Variants in CHMP4B observed in about 807,000 individuals in gnomAD.
The protein encoded by CHMP4B is charged multivesicular body protein 4B.
Under a neutral mutation model 25.1 loss-of-function variants are expected in CHMP4B, and 1 was observed. That is an observed-to-expected ratio of 0.04 (90% CI 0.01 to 0.19). The LOEUF (loss-of-function observed/expected upper bound fraction) is 0.19, where lower values mean the gene tolerates loss of function less well. Among genes scored for constraint, CHMP4B ranks in the 10% least tolerant of loss-of-function variants. The probability of loss-of-function intolerance (pLI) is 1.00; values close to 1 mark genes in which losing one functional copy is unlikely to be tolerated. For synonymous variants in CHMP4B, 101 were observed against 115.6 expected, an observed-to-expected ratio of 0.87 and a Z score of 0.81; for missense variants, 151 against 289.7, an observed-to-expected ratio of 0.52 and a Z score of 3.48.
chr20:33,829,883 G>C (rs1235027145), intron 1 of CHMP4B, among the ~76,000 whole-genome samples: 1 of 152,120 alleles, frequency 6.6e-6, no homozygotes, highest in Non-Finnish European at 1.5e-5. Context: ...GTAGATAGTA[G>C]ATAGGAAGGG....
chr20:33,833,027 G>T (rs529038320), intron 1 of CHMP4B, among the ~76,000 whole-genome samples: 1 of 151,740 alleles, frequency 6.6e-6, no homozygotes, highest in Non-Finnish European at 1.5e-5. Flanking sequence ...GGCCTCAAGC[G>T]AACCTCCTGC....
intron 1 of CHMP4B, among the ~76,000 whole-genome samples, chr20:33,846,670 AAGGAGCATGGGACCTATTC>A (rs1979697482): frequency 6.6e-6 from 1 of 152,204 alleles, no homozygotes; most frequent in African/African-American, 2.4e-5. Flanking sequence ...GTGTGAGTAG[AAGGAGCATGGGACCTATTC>A]ATGTGACATA....
At chr20:33,812,881 G>A (rs554937732) in intron 1 of CHMP4B, among the ~76,000 whole-genome samples, 2 of 152,294 alleles carry the variant, frequency 1.3e-5, no homozygotes, top group South Asian at 4.1e-4. Flanking sequence ...AGATATTCTG[G>A]AAATTCTTTT....
intron 2 of CHMP4B, among the ~76,000 whole-genome samples, chr20:33,849,488 T>C (rs1320269934): frequency 6.6e-6 from 1 of 152,160 alleles, no homozygotes. Flanking sequence ...TAATCCCAGC[T>C]ACTGGCGGCT....
intron 1 of CHMP4B, among the ~76,000 whole-genome samples, chr20:33,847,956 T>C (rs1979733512): frequency 6.6e-6 from 1 of 152,180 alleles, no homozygotes; most frequent in Non-Finnish European, 1.5e-5. Flanking sequence ...ATATAGTCAT[T>C]ATATTTATGA....
At chr20:33,843,880 T>C (rs548483094) in intron 1 of CHMP4B, among the ~76,000 whole-genome samples, 64 of 152,356 alleles carry the variant, frequency 4.2e-4, no homozygotes, top group Admixed American at 2.4e-3. Flanking sequence ...CAAGGTAACT[T>C]TACTCATGAA....
chr20:33,853,891 T>TG lies in CHMP4B; in HGVS notation c.*333dup, dbSNP rs1979932215. The TG allele has an allele frequency of 2.4e-6, 1 of 416,374 alleles. No homozygotes were observed. The highest frequency in any genetic ancestry group is 3.7e-5 in the Admixed American group (1 of 26,896). 25.8% of individuals were successfully genotyped at this position (416,374 alleles called of 1,614,324 possible). On this transcript the variant is annotated 3_prime_UTR_variant, in exon 5 of 5. Transcript: ENST00000217402. ...TGAATCCTCAATGGAAAGGGTCGAC[T>TG]GGTTGCAGTTGAAATGACCTGAAAT...
intron 1 of CHMP4B, among the ~76,000 whole-genome samples, chr20:33,814,044 T>G (rs1021971841): frequency 1.3e-5 from 2 of 152,208 alleles, no homozygotes; most frequent in Non-Finnish European, 2.9e-5. Flanking sequence ...TCTGCAGTTT[T>G]GGCGATCGAA....
rs114112565 is a variant in CHMP4B, at chr20:33,853,561, T to C, written c.*1T>C. 4.9e-3 allele frequency: 7,939 copies of C among 1,613,290 alleles called. 335 individuals carry two copies. The African/African-American group carries it at 0.092, about 19-fold the overall frequency. On this transcript the variant is annotated 3_prime_UTR_variant, in exon 5 of 5. Transcript: ENST00000217402. ...GGAGAACTGGGCTGGATCCATGTAA[T>C]GGGGTCCAGCGCTGGCTGGGCCCAG...
intron 1 of CHMP4B, 49 bp downstream of exon 1, chr20:33,811,707 CCCCGGG>C: frequency 1.9e-6 from 3 of 1,579,042 alleles, no homozygotes; most frequent in Non-Finnish European, 2.6e-6. Flanking sequence ...CCCCCAGGCT[CCCCGGG>C]CCCGGACTTC....
intron 1 of CHMP4B, among the ~76,000 whole-genome samples, chr20:33,819,352 T>G (rs1978869987): frequency 6.6e-6 from 1 of 152,242 alleles, no homozygotes; most frequent in Non-Finnish European, 1.5e-5. Flanking sequence ...TCTTTAGCCC[T>G]GATACTTCCG....
In CHMP4B at chr20:33,840,310, T is replaced by TG. The variant is rs1979502295; in HGVS notation, c.191-8155dup. Among the ~76,000 whole-genome samples the TG allele has an allele frequency of 3.3e-5, 5 of 151,268 alleles. No individual in the cohort carries two copies. In the South Asian group the frequency reaches 1.0e-3, roughly 32 times the overall value. On this transcript the variant is annotated intron_variant, in intron 1 of 4. Transcript: ENST00000217402. ...ATGCAGAGATCCCCAGAGACAATGT[T>TG]GGACACAGGCAAGGAAAGAGAGGCG...
At chr20:33,820,179 A>G (rs1978897599) in intron 1 of CHMP4B, among the ~76,000 whole-genome samples, 1 of 151,012 alleles carries the variant, frequency 6.6e-6, no homozygotes. Flanking sequence ...CTCTGTCTCA[A>G]AAAAAAAAGA....
In CHMP4B at chr20:33,848,407, G is replaced by T; in HGVS notation, c.191-60G>T. ...AGTAGAGTTGGGGAAAAGACTCAGT[G>T]ACACTAGAACCTCACCCTGTGCCGG... On this transcript the variant is annotated intron_variant, in intron 1 of 4. Transcript: ENST00000217402. 3 of 1,566,386 alleles carry T rather than the reference G, an allele frequency of 1.9e-6. No homozygotes were observed. The South Asian group carries it at 3.4e-5, about 18-fold the overall frequency.
chr20:33,835,237 T>C (rs1471382342), intron 1 of CHMP4B, among the ~76,000 whole-genome samples: 1 of 152,218 alleles, frequency 6.6e-6, no homozygotes, highest in Non-Finnish European at 1.5e-5. Context: ...TAATGTATAT[T>C]TTTTTCTTTG....
intron 1 of CHMP4B, among the ~76,000 whole-genome samples, chr20:33,832,816 T>C (rs1489240123): frequency 6.6e-6 from 1 of 151,422 alleles, no homozygotes; most frequent in Non-Finnish European, 1.5e-5. Context: ...TCTCGTTCTG[T>C]TGCCCAGGCT....
At chr20:33,816,633 A>G (rs892629392) in intron 1 of CHMP4B, among the ~76,000 whole-genome samples, 2 of 152,264 alleles carry the variant, frequency 1.3e-5, no homozygotes, top group Non-Finnish European at 2.9e-5. Context: ...AGATGATCAA[A>G]TATCAAAGAT....
chr20:33,821,120 C>A (rs1178997102), intron 1 of CHMP4B, among the ~76,000 whole-genome samples: 1 of 152,198 alleles, frequency 6.6e-6, no homozygotes, highest in Admixed American at 6.5e-5. Flanking sequence ...GGTGCGGTGG[C>A]TCACGCCTGT....
At chr20:33,846,142 G>A (rs1469330406) in intron 1 of CHMP4B, among the ~76,000 whole-genome samples, 1 of 152,166 alleles carries the variant, frequency 6.6e-6, no homozygotes, top group Non-Finnish European at 1.5e-5. Context: ...TCATTAAGTG[G>A]GGGGCATAAC....
Sources: gnomAD v4.1 joint callset for allele counts (sites outside exome capture counted in the v4.1 genomes callset) on GRCh38, gnomAD v4.1.1 for gene constraint, MANE v1.5 for transcripts, NCBI Gene and HGNC (gene_info 2026-07-23, HGNC 2026-07-21) for gene names.